Variants in HECW1 observed in about 807,000 individuals in gnomAD.
HECW1 encodes the protein HECT, C2 and WW domain containing E3 ubiquitin protein ligase 1.
HECW1 carries 61 observed loss-of-function variants against 182.3 expected under a neutral mutation model. That is an observed-to-expected ratio of 0.33 (90% CI 0.27 to 0.41). HECW1 has a LOEUF of 0.41. Ranked by LOEUF, HECW1 falls within the 10% of genes least tolerant of loss-of-function variation. HECW1 has a pLI of 1.00. For synonymous variants in HECW1, 859 were observed against 832.6 expected (o/e 1.03, Z -0.55); for missense variants, 1,739 against 2,108.9 (o/e 0.82, Z 3.44).
chr7:43,341,844 T>A (rs1030038053), intron 5 of HECW1, among the ~76,000 whole-genome samples: 1 of 151,812 alleles, frequency 6.6e-6, no homozygotes, highest in Non-Finnish European at 1.5e-5. Context: ...TGTAATACAA[T>A]AAGATTTTTT....
intron 21 of HECW1, among the ~76,000 whole-genome samples, chr7:43,505,067 C>T (rs1057143967): frequency 1.3e-5 from 2 of 152,194 alleles, no homozygotes; most frequent in Admixed American, 6.5e-5. Flanking sequence ...CTTCCCTGGC[C>T]ATTCCCGCAG....
intron 24 of HECW1, among the ~76,000 whole-genome samples, chr7:43,516,455 T>G (rs757372467): frequency 6.6e-6 from 1 of 152,196 alleles, no homozygotes; most frequent in Non-Finnish European, 1.5e-5. Context: ...ATAAGTAAAT[T>G]TGGAGCCTCT....
intron 2 of HECW1, among the ~76,000 whole-genome samples, chr7:43,191,038 G>A (rs764355127): frequency 1.7e-4 from 26 of 152,082 alleles, no homozygotes; most frequent in Non-Finnish European, 3.1e-4. Flanking sequence ...AAAACAAAAA[G>A]GCTCACAGAC....
At chr7:43,264,641 C>CTTG (rs1801551098) in intron 3 of HECW1, among the ~76,000 whole-genome samples, 2 of 151,832 alleles carry the variant, frequency 1.3e-5, no homozygotes, top group Admixed American at 1.3e-4. Context: ...GTCAGGAGAC[C>CTTG]AAGACCATCC....
chr7:43,352,297 T>C (rs1339152558), intron 5 of HECW1, among the ~76,000 whole-genome samples: 1 of 152,242 alleles, frequency 6.6e-6, no homozygotes, highest in Non-Finnish European at 1.5e-5. Flanking sequence ...ATTGTATGTG[T>C]ATTCCATGCA....
chr7:43,127,444 AC>A (rs1379627006), intron 2 of HECW1, among the ~76,000 whole-genome samples: 4 of 140,350 alleles, frequency 2.9e-5, no homozygotes, highest in African/African-American at 1.1e-4. Flanking sequence ...AATCGCTTGA[AC>A]CTGGGAGGCA....
chr7:43,403,384 G>C lies in HECW1; in HGVS notation c.632-4178G>C, dbSNP rs561931826. Among the ~76,000 whole-genome samples the C allele has an allele frequency of 2.8e-4, 42 of 152,294 alleles. No individual in the cohort carries two copies. In the Middle Eastern group the frequency reaches 0.01, roughly 37 times the overall value. On this transcript the variant is annotated intron_variant, in intron 7 of 29. Coordinates refer to ENST00000395891, the MANE Select transcript of HECW1 (RefSeq NM_015052.5). ...GTTCTGGGAAGGCTATGGTATGGTA[G>C]ATAGATGCTGTTTAGTACAGTTTAT...
chr7:43,530,989 G>T (rs778417661), intron 24 of HECW1, among the ~76,000 whole-genome samples: 2 of 152,124 alleles, frequency 1.3e-5, no homozygotes, highest in African/African-American at 4.8e-5. Context: ...GAACTTGTTG[G>T]CATGGAAAAT....
chr7:43,339,348 C>G (rs1309380473), intron 5 of HECW1, among the ~76,000 whole-genome samples: 4 of 152,142 alleles, frequency 2.6e-5, no homozygotes, highest in Non-Finnish European at 5.9e-5. Flanking sequence ...GTCGACCTAT[C>G]TCCCGGTTTA....
chr7:43,451,024 C>T lies in HECW1; in HGVS notation c.2500+95C>T, dbSNP rs115864090. ...GTGTGTAAACATCTAAAGTCTTTCC[C>T]GACTCCGTGCCTTACAGTGTTAACA... On this transcript the variant is annotated intron_variant, in intron 12 of 29. Coordinates refer to ENST00000395891, the MANE Select transcript of HECW1 (RefSeq NM_015052.5). The T allele has an allele frequency of 3.5e-3, 2,936 of 836,526 alleles. 51 individuals carry two copies. In the African/African-American group the frequency reaches 0.041, roughly 12 times the overall value. 51.8% of individuals were successfully genotyped at this position (836,526 alleles called of 1,614,324 possible).
intron 2 of HECW1, among the ~76,000 whole-genome samples, chr7:43,184,554 C>T (rs1249702888): frequency 6.6e-6 from 1 of 152,112 alleles, no homozygotes; most frequent in Non-Finnish European, 1.5e-5. Context: ...CCCTAGATAG[C>T]TTCAGGATAG....
At chr7:43,418,965 C>T in intron 8 of HECW1, among the ~76,000 whole-genome samples, 1 of 152,178 alleles carries the variant, frequency 6.6e-6, no homozygotes, top group Admixed American at 6.5e-5. Context: ...CTCCTACTGT[C>T]ATCCATATGG....
chr7:43,462,954 A>G (rs1390899828), intron 13 of HECW1, among the ~76,000 whole-genome samples: 1 of 152,030 alleles, frequency 6.6e-6, no homozygotes, highest in African/African-American at 2.4e-5. Context: ...CTTCTGTCCC[A>G]TTTCCCTTTT....
intron 3 of HECW1, among the ~76,000 whole-genome samples, chr7:43,296,582 T>C (rs6975628): frequency 0.01 from 1,597 of 152,318 alleles, 36 homozygotes; most frequent in African/African-American, 0.037. Context: ...TCAACCCTGG[T>C]GCTCTGATGT....
chr7:43,388,280 C>T (rs2074881178), intron 6 of HECW1, among the ~76,000 whole-genome samples: 1 of 152,202 alleles, frequency 6.6e-6, no homozygotes, highest in African/African-American at 2.4e-5. Flanking sequence ...TAAAACATGA[C>T]TTGGTTATTA....
In HECW1 at chr7:43,295,774, C is replaced by T. The variant is rs149653865; in HGVS notation, c.28-15989C>T. On this transcript the variant is annotated intron_variant, in intron 3 of 29. Transcript: ENST00000395891. ...TCATAGCTCTAAGCAATAATTCCTACATCACTTTGGTAAGGGAGCTTTTTC... is the reference window on the plus strand; with the variant it reads ...TCATAGCTCTAAGCAATAATTCCTATATCACTTTGGTAAGGGAGCTTTTTC... Among the ~76,000 whole-genome samples the T allele has an allele frequency of 7.9e-5, 12 of 152,306 alleles. 1 individual carries two copies. In the East Asian group the frequency reaches 1.5e-3, roughly 20 times the overall value.
intron 6 of HECW1, among the ~76,000 whole-genome samples, chr7:43,377,430 C>G (rs184052251): frequency 6.6e-6 from 1 of 152,266 alleles, no homozygotes; most frequent in East Asian, 1.9e-4. Context: ...ACCCTGCCCC[C>G]TCACAATAAT....
In HECW1 at chr7:43,563,707, A is replaced by G. The variant is rs138172419; in HGVS notation, c.*1781A>G. 8.3e-3 allele frequency: 1,454 copies of G among 174,240 alleles called. 23 individuals carry two copies. Among genetic ancestry groups the G allele is most frequent in the African/African-American group, 0.032 (1,352 of 42,208 alleles). 10.8% of individuals were successfully genotyped at this position (174,240 alleles called of 1,614,324 possible). A position where few individuals can be genotyped will look rare whatever the true frequency, so the allele number is the denominator to read the frequency against. ...AACATGGTGAAACCCCATCTCTACT[A>G]AAAATACAAAAATTAGCCGGGCGTG... is the stretch of plus-strand genomic sequence containing the variant. On this transcript the variant is annotated 3_prime_UTR_variant, in exon 30 of 30. Coordinates refer to ENST00000395891, the MANE Select transcript of HECW1 (RefSeq NM_015052.5).
chr7:43,539,281 TAAG>T (rs1412277889), intron 24 of HECW1, among the ~76,000 whole-genome samples: 2 of 152,198 alleles, frequency 1.3e-5, no homozygotes, highest in Non-Finnish European at 2.9e-5. Flanking sequence ...AATGATGAAT[TAAG>T]AAGTTTTCCA....
Sources: gnomAD v4.1 joint callset for allele counts (sites outside exome capture counted in the v4.1 genomes callset) on GRCh38, gnomAD v4.1.1 for gene constraint, MANE v1.5 for transcripts, NCBI Gene and HGNC (gene_info 2026-07-23, HGNC 2026-07-21) for gene names.